FAM135B: variants seen among roughly 807,000 people sequenced by gnomAD.
FAM135B encodes protein FAM135B.
In FAM135B, 43 loss-of-function variants were observed where a neutral mutation model predicts 127.7. The observed-to-expected ratio is 0.34, with a 90% CI of 0.26 to 0.43. FAM135B has a LOEUF of 0.43. Ranked by LOEUF, FAM135B falls within the 20% of genes least tolerant of loss-of-function variation. FAM135B has a pLI of 1.00. For synonymous variants in FAM135B, 670 were observed against 665.1 expected (o/e 1.01, Z -0.11); for missense variants, 1,558 against 1,725.6 (o/e 0.90, Z 1.72).
chr8:138,165,215 G>T (rs1819796510), intron 12 of FAM135B, among the ~76,000 whole-genome samples: 1 of 151,692 alleles, frequency 6.6e-6, no homozygotes, highest in Non-Finnish European at 1.5e-5. Context: ...CTGCCTCCCA[G>T]GTTCAAGCGA....
At chr8:138,204,044 A>G (rs1385938036) in intron 7 of FAM135B, among the ~76,000 whole-genome samples, 1 of 152,138 alleles carries the variant, frequency 6.6e-6, no homozygotes, top group Non-Finnish European at 1.5e-5. Context: ...CTGTAAATAC[A>G]CATGAAGCTT....
chr8:138,443,556 C>T (rs1461238977), intron 1 of FAM135B, among the ~76,000 whole-genome samples: 1 of 152,166 alleles, frequency 6.6e-6, no homozygotes, highest in Non-Finnish European at 1.5e-5. Context: ...TAATCCAAGA[C>T]ATCCTTATTT....
intron 4 of FAM135B, among the ~76,000 whole-genome samples, chr8:138,257,414 A>C (rs558871947): frequency 6.6e-6 from 1 of 152,182 alleles, no homozygotes; most frequent in South Asian, 2.1e-4. Flanking sequence ...TAAGAAAAAA[A>C]AAACATGCTT....
chr8:138,349,235 G>T (rs971273967), intron 2 of FAM135B, among the ~76,000 whole-genome samples: 2 of 152,202 alleles, frequency 1.3e-5, no homozygotes, highest in African/African-American at 4.8e-5. Flanking sequence ...CAATAAGGTT[G>T]GGAGCTGTTT....
intron 1 of FAM135B, among the ~76,000 whole-genome samples, chr8:138,383,738 A>AT (rs1195746261): frequency 2.6e-5 from 4 of 152,214 alleles, no homozygotes; most frequent in South Asian, 2.1e-4. Context: ...TGACACTCTG[A>AT]TTTTTTATTC....
At chr8:138,457,850 A>G (rs1263782960) in intron 1 of FAM135B, among the ~76,000 whole-genome samples, 1 of 151,922 alleles carries the variant, frequency 6.6e-6, no homozygotes, top group African/African-American at 2.4e-5. Flanking sequence ...CCTGATGGGC[A>G]CCTGTAATCT....
chr8:138,307,267 G>T (rs888248210), intron 3 of FAM135B, among the ~76,000 whole-genome samples: 1 of 152,156 alleles, frequency 6.6e-6, no homozygotes, highest in Non-Finnish European at 1.5e-5. Flanking sequence ...GTCTCTATTT[G>T]CCTGCTGCCA....
intron 3 of FAM135B, among the ~76,000 whole-genome samples, chr8:138,270,549 G>A (rs569319309): frequency 8.5e-5 from 13 of 152,368 alleles, no homozygotes; most frequent in Non-Finnish European, 1.6e-4. Flanking sequence ...CAATAGCACA[G>A]ACTAAGTAAT....
At chr8:138,318,478 T>C (rs1043808636) in intron 2 of FAM135B, among the ~76,000 whole-genome samples, 2 of 152,176 alleles carry the variant, frequency 1.3e-5, no homozygotes, top group African/African-American at 4.8e-5. Context: ...CTTCCATATA[T>C]GCAATCTTGG....
intron 1 of FAM135B, among the ~76,000 whole-genome samples, chr8:138,393,592 T>G (rs1318058300): frequency 6.6e-6 from 1 of 152,164 alleles, no homozygotes; most frequent in African/African-American, 2.4e-5. Flanking sequence ...AGAAAAGCCC[T>G]TTTTGCCTGA....
intron 1 of FAM135B, among the ~76,000 whole-genome samples, chr8:138,425,875 G>A (rs1001193446): frequency 2.3e-4 from 34 of 150,594 alleles, no homozygotes; most frequent in Middle Eastern, 3.2e-3. Context: ...GGGGTCTGTC[G>A]TGGAGGCTCA....
intron 9 of FAM135B, among the ~76,000 whole-genome samples, chr8:138,191,103 A>G (rs951565069): frequency 6.6e-6 from 1 of 152,174 alleles, no homozygotes; most frequent in Non-Finnish European, 1.5e-5. Context: ...GACTCTCTTC[A>G]TCAACACCAG....
rs184114673 is a variant in FAM135B at position 138,335,810 on chromosome 8, T to A, written c.78-24890A>T. 8.8e-3 allele frequency among the ~76,000 whole-genome samples: 1,333 copies of A among 152,292 alleles called. 24 individuals are homozygous for A. The highest frequency in any genetic ancestry group is 0.031 in the African/African-American group (1,279 of 41,550). ...CAAATCAACAGAATATACACTCTTC[T>A]CAGCACCACACCACACTTATTCCAA... On this transcript the variant is annotated intron_variant, in intron 2 of 19. Coordinates refer to ENST00000395297, the MANE Select transcript of FAM135B (RefSeq NM_015912.4).
chr8:138,328,401 C>T (rs1051301920), intron 2 of FAM135B, among the ~76,000 whole-genome samples: 15 of 152,202 alleles, frequency 9.9e-5, no homozygotes, highest in African/African-American at 2.9e-4. Context: ...CAGACCTTGG[C>T]GATGACCTTG....
In FAM135B at chr8:138,341,155, G is replaced by A. The variant is rs146902592; in HGVS notation, c.77+26752C>T. 5.9e-3 allele frequency among the ~76,000 whole-genome samples: 891 copies of A among 152,306 alleles called. 13 individuals are homozygous for A. Among genetic ancestry groups the A allele is most frequent in the African/African-American group, 0.02 (834 of 41,550 alleles). On this transcript the variant is annotated intron_variant, in intron 2 of 19. Transcript: ENST00000395297. ...TCTTCGCAATAGCCAAAAGGTAGAA[G>A]CAACACAAATGTCCATCACCAGATG... is the stretch of plus-strand genomic sequence containing the variant.
intron 3 of FAM135B, among the ~76,000 whole-genome samples, chr8:138,297,747 G>T (rs1048749780): frequency 6.6e-6 from 1 of 152,172 alleles, no homozygotes; most frequent in Non-Finnish European, 1.5e-5. Context: ...GGGGCACAAG[G>T]GGAAGCTGAA....
chr8:138,144,125 A>T (rs575288724), intron 15 of FAM135B, among the ~76,000 whole-genome samples: 7 of 152,326 alleles, frequency 4.6e-5, no homozygotes, highest in Admixed American at 3.9e-4. Context: ...CCATGTTAAA[A>T]ATTAGGTAAA....
chr8:138,343,189 A>G (rs2131070333), intron 2 of FAM135B, among the ~76,000 whole-genome samples: 1 of 152,372 alleles, frequency 6.6e-6, no homozygotes, highest in Non-Finnish European at 1.5e-5. Context: ...TGGAAGGTAG[A>G]AGGTGGCTGC....
chr8:138,432,606 A>G (rs1835256441), intron 1 of FAM135B, among the ~76,000 whole-genome samples: 4 of 152,050 alleles, frequency 2.6e-5, no homozygotes, highest in East Asian at 1.9e-4. Context: ...CATCCCTAAA[A>G]TAGGGATAGC....
Sources: allele counts gnomAD v4.1 joint callset (sites outside exome capture counted in the v4.1 genomes callset), GRCh38; gene constraint gnomAD v4.1.1; transcripts MANE v1.5; gene names NCBI Gene and HGNC (gene_info 2026-07-23, HGNC 2026-07-21).